The following TRIM24 variants were observed in gnomAD, a reference collection of about 807,000 sequenced individuals.
The protein encoded by TRIM24 is tripartite motif containing 24, also known as transcription intermediary factor 1-alpha.
In TRIM24, 29 loss-of-function variants were observed where a neutral mutation model predicts 123.9. That is an observed-to-expected ratio of 0.23 (90% CI 0.17 to 0.32). The LOEUF is 0.32. Ranked by LOEUF, TRIM24 falls within the 10% of genes least tolerant of loss-of-function variation. The probability of loss-of-function intolerance (pLI) is 1.00; values close to 1 mark genes in which losing one functional copy is unlikely to be tolerated. For missense variants in TRIM24, 932 were observed against 1,295.3 expected (o/e 0.72, Z 4.31); for synonymous variants, 456 against 461.1 (o/e 0.99, Z 0.14).
chr7:138,514,254 C>T (rs143956424), intron 2 of TRIM24: 65 of 152,394 alleles, frequency 4.3e-4, no homozygotes, highest in African/African-American at 1.5e-3. Flanking sequence ...ACCAAAGCCA[C>T]TGAAAAATCC....
chr7:138,580,930 A>G (rs1261893130), intron 16 of TRIM24, among the ~76,000 whole-genome samples: 1 of 152,204 alleles, frequency 6.6e-6, no homozygotes, highest in Non-Finnish European at 1.5e-5. Flanking sequence ...ACAAGATGGA[A>G]TATGTACCCT....
chr7:138,479,612 A>T (rs1489531952), intron 1 of TRIM24, among the ~76,000 whole-genome samples: 1 of 151,744 alleles, frequency 6.6e-6, no homozygotes, highest in Non-Finnish European at 1.5e-5. Flanking sequence ...TCCTGGGTTC[A>T]AGCAATTCTC....
At chr7:138,504,445 C>CTTTT (rs1563036690) in intron 2 of TRIM24, 37 bp downstream of exon 2, 1 of 311,376 alleles carries the variant, frequency 3.2e-6, no homozygotes, top group South Asian at 7.7e-5. Context: ...TGCCTGCCAG[C>CTTTT]TCTTTTTTTT....
chr7:138,496,068 T>C (rs1029283340), intron 1 of TRIM24, among the ~76,000 whole-genome samples: 2 of 152,224 alleles, frequency 1.3e-5, no homozygotes, highest in African/African-American at 4.8e-5. Context: ...GAATTGTTAT[T>C]GCTATTCTCT....
intron 16 of TRIM24, among the ~76,000 whole-genome samples, 162 bp from the exon 17 acceptor site, chr7:138,581,535 G>C (rs1554445938): frequency 6.6e-6 from 1 of 152,108 alleles, no homozygotes; most frequent in Non-Finnish European, 1.5e-5. Context: ...CCCAAATATT[G>C]GGAAGGAGAG....
At chr7:138,536,047 G>T (rs1796865329) in intron 6 of TRIM24, among the ~76,000 whole-genome samples, 1 of 152,132 alleles carries the variant, frequency 6.6e-6, no homozygotes, top group Admixed American at 6.5e-5. Flanking sequence ...TACTTCTTGT[G>T]CCATGGTTTT....
At position 138,515,286 on chromosome 7, in the gene TRIM24, G is replaced by A. The variant is rs146342480; in HGVS notation, c.558G>A (p.Thr186=). Residue 186 remains threonine, a synonymous_variant, in exon 3 of 19, where the codon ACG becomes ACA. Transcript: ENST00000343526. ...CVECVEWLCK[T]CIRAHQRVKF... is the part of the protein sequence containing the mutation. ...AGTGTGTTGAATGGCTCTGCAAGAC[G>A]TGTATCAGAGCTCATCAGAGGGTAA... 28 of 1,613,946 alleles carry A rather than the reference G, an allele frequency of 1.7e-5. No individual in the cohort carries two copies. In the African/African-American group the frequency reaches 2.1e-4, roughly 12 times the overall value.
intron 9 of TRIM24, among the ~76,000 whole-genome samples, chr7:138,558,709 G>C (rs909630423): frequency 6.6e-6 from 1 of 152,190 alleles, no homozygotes; most frequent in Non-Finnish European, 1.5e-5. Context: ...TTTACTTTTT[G>C]ACCTTTGACT....
intron 9 of TRIM24, among the ~76,000 whole-genome samples, chr7:138,561,500 A>C (rs1797426788): frequency 6.6e-6 from 1 of 152,200 alleles, no homozygotes; most frequent in African/African-American, 2.4e-5. Flanking sequence ...CAAGGATGCC[A>C]TCTCTGATCC....
intron 9 of TRIM24, among the ~76,000 whole-genome samples, chr7:138,555,559 TACA>T (rs1797299776): frequency 6.6e-6 from 1 of 150,906 alleles, no homozygotes; most frequent in Admixed American, 6.6e-5. Flanking sequence ...CTCAGCTCAC[TACA>T]ACCTCTGCCT....
intron 9 of TRIM24, among the ~76,000 whole-genome samples, chr7:138,565,978 C>T (rs899833915): frequency 2.0e-5 from 3 of 152,140 alleles, no homozygotes; most frequent in African/African-American, 7.2e-5. Flanking sequence ...ATTTGATTTG[C>T]TTAAGCTTGC....
intron 1 of TRIM24, among the ~76,000 whole-genome samples, chr7:138,478,515 G>A (rs905068318): frequency 5.9e-5 from 9 of 151,970 alleles, no homozygotes; most frequent in African/African-American, 1.9e-4. Flanking sequence ...CTTACTCTGC[G>A]GCCCAGGCTA....
rs562473384 is a variant in TRIM24, at chr7:138,535,911, G to A, written c.997-2746G>A. On this transcript the variant is annotated intron_variant, in intron 6 of 18. Coordinates refer to ENST00000343526, the MANE Select transcript of TRIM24 (RefSeq NM_015905.3). Reference sequence around the variant, plus strand: ...CCCATATTTCTTGGTGGCTTTGTTCGTTTCTTTTTACTCTTTTTTCTCTAA... The same window carrying A: ...CCCATATTTCTTGGTGGCTTTGTTCATTTCTTTTTACTCTTTTTTCTCTAA... Among the ~76,000 whole-genome samples the A allele has an allele frequency of 1.9e-3, 295 of 152,040 alleles. 1 individual carries two copies. Among genetic ancestry groups the A allele is most frequent in the African/African-American group, 6.2e-3 (259 of 41,478 alleles).
At chr7:138,546,889 A>C (rs1797112445) in intron 7 of TRIM24, among the ~76,000 whole-genome samples, 1 of 152,210 alleles carries the variant, frequency 6.6e-6, no homozygotes. Context: ...GTTCCTTGAA[A>C]AATTACATAT....
intron 1 of TRIM24, among the ~76,000 whole-genome samples, chr7:138,481,350 AT>A (rs1795522615): frequency 1.3e-5 from 2 of 152,034 alleles, no homozygotes; most frequent in African/African-American, 4.8e-5. Flanking sequence ...CCTCCCAAAT[AT>A]CTGGGATGAC....
intron 1 of TRIM24, among the ~76,000 whole-genome samples, chr7:138,462,490 G>A (rs1227292453): frequency 6.6e-6 from 1 of 151,408 alleles, no homozygotes; most frequent in Non-Finnish European, 1.5e-5. Flanking sequence ...ACAGGCGCCC[G>A]CTACCACGCC....
intron 1 of TRIM24, among the ~76,000 whole-genome samples, chr7:138,501,764 T>C (rs1796045465): frequency 6.6e-6 from 1 of 151,856 alleles, no homozygotes; most frequent in Non-Finnish European, 1.5e-5. Context: ...GCACGTTGCC[T>C]GTAGTCCCAG....
chr7:138,571,041 A>T (rs1178337570), intron 11 of TRIM24, 38 bp downstream of exon 11: 3 of 1,606,786 alleles, frequency 1.9e-6, no homozygotes, highest in Non-Finnish European at 2.6e-6. Context: ...CTCTGTTGAA[A>T]ACTGTTGGCC....
chr7:138,525,414 T>G (rs1584718634), intron 5 of TRIM24, 57 bp downstream of exon 5: 2 of 1,000,434 alleles, frequency 2.0e-6, no homozygotes, highest in Non-Finnish European at 2.8e-6. Flanking sequence ...ATATTCACTT[T>G]TAGAACATTT....
Sources: gnomAD v4.1 joint callset for allele counts (sites outside exome capture counted in the v4.1 genomes callset) on GRCh38, gnomAD v4.1.1 for gene constraint, MANE v1.5 for transcripts, NCBI Gene and HGNC (gene_info 2026-07-23, HGNC 2026-07-21) for gene names.